PCNX2: variants seen among roughly 807,000 people sequenced by gnomAD.
PCNX2 encodes pecanex-like protein 2.
In PCNX2, 168 loss-of-function variants were observed where a neutral mutation model predicts 223.8. That is an observed-to-expected ratio of 0.75 (90% CI 0.66 to 0.85). The LOEUF (loss-of-function observed/expected upper bound fraction) is 0.85. Ranked by LOEUF, PCNX2 falls within the 40% of genes least tolerant of loss-of-function variation. The probability of loss-of-function intolerance (pLI) is 0.00; values close to 1 mark genes in which losing one functional copy is unlikely to be tolerated. For missense variants in PCNX2, 2,507 were observed against 2,675.5 expected (o/e 0.94, Z 1.39); for synonymous variants, 1,006 against 1,052.6 (o/e 0.96, Z 0.86).
chr1:233,137,899 T>C (rs551972585), intron 20 of PCNX2, among the ~76,000 whole-genome samples: 1 of 152,186 alleles, frequency 6.6e-6, no homozygotes, highest in East Asian at 1.9e-4. Flanking sequence ...AAAAGTTGAA[T>C]AAGAAACAGT....
intron 21 of PCNX2, among the ~76,000 whole-genome samples, chr1:233,117,798 C>G (rs1675504919): frequency 6.6e-6 from 1 of 151,622 alleles, no homozygotes; most frequent in Admixed American, 6.6e-5. Flanking sequence ...ATCACGAGGT[C>G]AGGAGATCGA....
At chr1:233,076,557 T>C (rs1432042558) in intron 23 of PCNX2, among the ~76,000 whole-genome samples, 1 of 152,198 alleles carries the variant, frequency 6.6e-6, no homozygotes, top group African/African-American at 2.4e-5. Flanking sequence ...GTTAATAAAA[T>C]CACACAGCAA....
At chr1:233,173,788 C>T (rs1367544680) in intron 17 of PCNX2, among the ~76,000 whole-genome samples, 1 of 152,030 alleles carries the variant, frequency 6.6e-6, no homozygotes, top group Non-Finnish European at 1.5e-5. Flanking sequence ...GAAATCATTT[C>T]CATTATCAAT....
chr1:233,138,216 C>A (rs1270234928), intron 20 of PCNX2, among the ~76,000 whole-genome samples: 1 of 152,118 alleles, frequency 6.6e-6, no homozygotes, highest in African/African-American at 2.4e-5. Context: ...TAACGTGCAC[C>A]TTTCTGACTT....
At chr1:233,325,700 C>A in the PCNX2 span, among the ~76,000 whole-genome samples, 1 of 152,000 alleles carries the variant, frequency 6.6e-6, no homozygotes, top group Non-Finnish European at 1.5e-5. Context: ...AGCGGAGTTG[C>A]TTCTTATGGA....
chr1:233,232,405 G>A (rs1658118730), intron 9 of PCNX2, among the ~76,000 whole-genome samples: 1 of 152,118 alleles, frequency 6.6e-6, no homozygotes, highest in Non-Finnish European at 1.5e-5. Flanking sequence ...ATATTCAGTA[G>A]GTTAGATGTA....
chr1:233,112,868 G>A (rs1675192814), intron 21 of PCNX2: 2 of 1,288,808 alleles, frequency 1.6e-6, no homozygotes, highest in Non-Finnish European at 2.0e-6. Flanking sequence ...GGGCAGAGGA[G>A]TTACTAGCGT....
chr1:233,186,990 C>T (rs1381364029), intron 15 of PCNX2, among the ~76,000 whole-genome samples: 1 of 152,170 alleles, frequency 6.6e-6, no homozygotes, highest in African/African-American at 2.4e-5. Context: ...ATTATTCAAT[C>T]CAAGATTTTT....
chr1:233,098,934 CAA>C (rs1674330019), intron 21 of PCNX2, among the ~76,000 whole-genome samples: 1 of 152,286 alleles, frequency 6.6e-6, no homozygotes, highest in Admixed American at 6.5e-5. Context: ...ATAAATGTTA[CAA>C]AAGAGTTTGA....
chr1:233,235,720 G>A (rs927857338), intron 9 of PCNX2, among the ~76,000 whole-genome samples: 15 of 151,916 alleles, frequency 9.9e-5, no homozygotes, highest in African/African-American at 3.4e-4. Flanking sequence ...TCGTGCCTCA[G>A]CCTCCCAAGT....
intron 17 of PCNX2, among the ~76,000 whole-genome samples, chr1:233,164,122 A>G (rs74565741): frequency 0.017 from 2,525 of 152,326 alleles, 55 homozygotes; most frequent in African/African-American, 0.057. Flanking sequence ...CCATAATCCA[A>G]TTAAAAACTG....
At chr1:233,028,201 T>C (rs1222409110) in intron 25 of PCNX2, among the ~76,000 whole-genome samples, 1 of 152,220 alleles carries the variant, frequency 6.6e-6, no homozygotes, top group Non-Finnish European at 1.5e-5. Flanking sequence ...AAAACATCTG[T>C]ATTCTGCTGT....
At chr1:233,184,821 G>A (rs1679999180) in intron 15 of PCNX2, among the ~76,000 whole-genome samples, 1 of 152,050 alleles carries the variant, frequency 6.6e-6, no homozygotes, top group South Asian at 2.1e-4. Context: ...TATGCCAGCG[G>A]GGCACACTTA....
intron 32 of PCNX2, among the ~76,000 whole-genome samples, chr1:232,996,449 A>C (rs538802944): frequency 6.8e-6 from 1 of 147,302 alleles, no homozygotes; most frequent in East Asian, 2.1e-4. Context: ...GAGATACTGG[A>C]GGCCTGGGAG....
intron 5 of PCNX2, among the ~76,000 whole-genome samples, chr1:233,255,735 A>G (rs1044897987): frequency 2.0e-5 from 3 of 152,216 alleles, no homozygotes; most frequent in African/African-American, 7.2e-5. Flanking sequence ...AGTCAGGTCC[A>G]AGTTCAAGCA....
chr1:233,110,251 A>G (rs1362616288), intron 21 of PCNX2, among the ~76,000 whole-genome samples: 3 of 152,220 alleles, frequency 2.0e-5, no homozygotes, highest in Non-Finnish European at 4.4e-5. Flanking sequence ...GACAAAAAGA[A>G]ATCTTGAAGG....
At chr1:233,037,098 C>T (rs1359621817) in intron 25 of PCNX2, among the ~76,000 whole-genome samples, 1 of 152,220 alleles carries the variant, frequency 6.6e-6, no homozygotes, top group East Asian at 1.9e-4. Context: ...CTAAGTGTCA[C>T]ACATCCACTT....
the PCNX2 span, among the ~76,000 whole-genome samples, chr1:233,324,118 C>A: frequency 6.6e-6 from 1 of 152,144 alleles, no homozygotes; most frequent in Non-Finnish European, 1.5e-5. Flanking sequence ...CAAAGCAAGG[C>A]CTTAACTCTC....
At chr1:233,250,901 CAATTTT>C in intron 7 of PCNX2, 69 bp from the exon 8 acceptor site, 1 of 1,467,936 alleles carries the variant, frequency 6.8e-7, no homozygotes, top group African/African-American at 1.4e-5. Flanking sequence ...TCAACTTATA[CAATTTT>C]CAAGTTAAAA....
Sources: gnomAD v4.1 joint callset for allele counts (sites outside exome capture counted in the v4.1 genomes callset) on GRCh38, gnomAD v4.1.1 for gene constraint, MANE v1.5 for transcripts, NCBI Gene and HGNC (gene_info 2026-07-23, HGNC 2026-07-21) for gene names.